Variants in VMO1 observed in about 807,000 individuals in gnomAD.
VMO1 encodes vitelline membrane outer layer 1 homolog.
In VMO1, 13 loss-of-function variants were observed where a neutral mutation model predicts 10.1. That is an observed-to-expected ratio of 1.29 (90% CI 0.84 to 2.05). The LOEUF is 2.05. VMO1 is among the 30% of genes most tolerant of loss of function. The probability of loss-of-function intolerance (pLI) is 0.00; values close to 1 mark genes in which losing one functional copy is unlikely to be tolerated. For missense variants in VMO1, 304 were observed against 276.9 expected (o/e 1.10, Z -0.70); for synonymous variants, 117 against 122.2 (o/e 0.96, Z 0.28).
At position 4,785,934 on chromosome 17, in the gene VMO1, C is replaced by A. The variant is rs562378247; in HGVS notation, c.311+3G>T. ...CAAGGGATCCTCGACCCCTGCGCCC[C>A]ACCTTCCAGACTGGGACTCTACCAC... On this transcript the variant is annotated splice_donor_region_variant and intron_variant, in intron 2 of 2. Coordinates refer to ENST00000328739, the MANE Select transcript of VMO1 (RefSeq NM_182566.3). 27 of 1,614,094 alleles carry A rather than the reference C, an allele frequency of 1.7e-5. No homozygotes were observed. Among genetic ancestry groups the A allele is most frequent in the Non-Finnish European group, 2.2e-5 (26 of 1,180,044 alleles).
chr17:4,785,454 C>A lies in VMO1; in HGVS notation c.517G>T (p.Ala173Ser), dbSNP rs139005779. Residue 173 changes from alanine to serine, a missense_variant, in exon 3 of 3, where the codon GCG becomes TCG. Physicochemically the swap from Ala to Ser is moderately conservative, Grantham distance 99 (BLOSUM62 1). Transcript: ENST00000328739. Reference sequence around the variant, plus strand: ...TGGATCTTGGTCTGCAGGCCGCACGCGCCCTTGGGGCAATGGTCACTCCAG... The same window carrying A: ...TGGATCTTGGTCTGCAGGCCGCACGAGCCCTTGGGGCAATGGTCACTCCAG... ...GDWSDHCPKG[A>S]CGLQTKIQGP... 7 of 1,614,098 alleles carry A rather than the reference C, an allele frequency of 4.3e-6. No individual in the cohort carries two copies. In the South Asian group the frequency reaches 4.4e-5, roughly 10 times the overall value.
In VMO1 at chr17:4,785,925, C is replaced by A. The variant is rs1356416635; in HGVS notation, c.311+12G>T. On this transcript the variant is annotated intron_variant, in intron 2 of 2. Coordinates refer to ENST00000328739, the MANE Select transcript of VMO1 (RefSeq NM_182566.3). Reference sequence around the variant, plus strand: ...CCATCACCCCAAGGGATCCTCGACCCCTGCGCCCCACCTTCCAGACTGGGA... The same window carrying A: ...CCATCACCCCAAGGGATCCTCGACCACTGCGCCCCACCTTCCAGACTGGGA... The A allele has an allele frequency of 6.2e-7, 1 of 1,614,084 alleles. No homozygotes were observed. Among genetic ancestry groups the A allele is most frequent in the Non-Finnish European group, 8.5e-7 (1 of 1,180,038 alleles).
rs1335272107 is a variant in VMO1 at position 4,785,424 on chromosome 17, G to A, written c.547C>T (p.Pro183Ser). 6.2e-7 allele frequency: 1 copy of A among 1,614,072 alleles called. No homozygotes were observed. The highest frequency in any genetic ancestry group is 8.5e-7 in the Non-Finnish European group (1 of 1,180,050). Residue 183 changes from proline to serine, a missense_variant, in exon 3 of 3, where the codon CCT becomes TCT. Physicochemically the swap from Pro to Ser is moderately conservative, Grantham distance 74. Coordinates refer to ENST00000328739, the MANE Select transcript of VMO1 (RefSeq NM_182566.3). ...ACGLQTKIQG[P>S]RGLGDDTALN... ...GCAGTGTCATCGCCGAGGCCTCTAG[G>A]TCCCTGGATCTTGGTCTGCAGGCCG...
Position 4,785,412 on chromosome 17 carries a change from CG to C in VMO1, c.558del (p.Gly187AlafsTer6). 6.2e-7 allele frequency: 1 copy of C among 1,614,142 alleles called. No individual in the cohort carries two copies. Among genetic ancestry groups the C allele is most frequent in the Non-Finnish European group, 8.5e-7 (1 of 1,180,024 alleles). ...GCGTCGTTCAGCGCAGTGTCATCGC[CG>C]AGGCCTCTAGGTCCCTGGATCTTGG... is the stretch of plus-strand genomic sequence containing the variant. ...LQTKIQGPRG[L>X]GDDTALNDAR... On this transcript the variant is annotated frameshift_variant, in exon 3 of 3. Coordinates refer to ENST00000328739, the MANE Select transcript of VMO1 (RefSeq NM_182566.3). LOFTEE classifies it high-confidence loss of function.
chr17:4,786,320 C>A lies in VMO1; in HGVS notation c.33G>T (p.Pro11=). 1.3e-6 allele frequency: 2 copies of A among 1,597,068 alleles called. No individual in the cohort carries two copies. MERGAGAKLL[P]LLLLLRATGF... ...CAGTCGCCCGCAGAAGCAGCAGCAG[C>A]GGCAGCAGCTTGGCTCCTGCGCCCC... The change falls in exon 1 of 3, where the codon CCG becomes CCT. Residue 11 remains proline (P), a synonymous_variant. Transcript: ENST00000328739.
Position 4,786,157 on chromosome 17 carries a change from C to T in VMO1, c.195+1G>A, listed in dbSNP as rs1917484458. The T allele has an allele frequency of 1.2e-6, 2 of 1,603,684 alleles. No homozygotes were observed. Among genetic ancestry groups the T allele is most frequent in the East Asian group, 4.5e-5 (2 of 44,648 alleles). ...TCCAGGACCTACGCCTGAGCCCCAA[C>T]CTTGAGCGAGAACCCGCTGGCGAAG... is the stretch of plus-strand genomic sequence containing the variant. On this transcript the variant is annotated splice_donor_variant, in intron 1 of 2. Coordinates refer to ENST00000328739, the MANE Select transcript of VMO1 (RefSeq NM_182566.3). LOFTEE classifies it high-confidence loss of function.
chr17:4,785,792 A>AG, intron 2 of VMO1, 133 bp from the exon 3 acceptor site: 1 of 1,518,668 alleles, frequency 6.6e-7, no homozygotes, highest in Non-Finnish European at 8.9e-7. Flanking sequence ...GGAGCGGAGG[A>AG]GGGGTCTTCC....
rs116521670 is a variant in VMO1 at position 4,785,600 on chromosome 17, G to A, written c.371C>T (p.Ser124Leu). 2,777 of 1,613,452 alleles carry A rather than the reference G, an allele frequency of 1.7e-3. 43 individuals are homozygous for A. In the African/African-American group the frequency reaches 0.026, roughly 15 times the overall value. The change falls in exon 3 of 3, where the codon TCG (serine) becomes TTG (leucine). Residue 124 changes from serine (S) to leucine (L), a missense_variant. Coordinates refer to ENST00000328739, the MANE Select transcript of VMO1 (RefSeq NM_182566.3). Reference protein sequence around the residue: ...CRGGAYLVAFSLRVEAPTTLG... With the variant: ...CRGGAYLVAFLLRVEAPTTLG... ...GGTCGTGGGTGCCTCCACGCGAAGC[G>A]AGAAAGCCACTAGGTAGGCGCCGCC...
At position 4,785,344 on chromosome 17, in the gene VMO1, C is replaced by A. The variant is rs754407188; in HGVS notation, c.*18G>T. On this transcript the variant is annotated 3_prime_UTR_variant, in exon 3 of 3. Transcript: ENST00000328739. ...ACTAGCCTCCTGGCCCGGGAGAGAGCGGCGGCGGCGGCGCCGTTCAACTGC... is the reference window on the plus strand; with the variant it reads ...ACTAGCCTCCTGGCCCGGGAGAGAGAGGCGGCGGCGGCGCCGTTCAACTGC... 2 of 1,580,144 alleles carry A rather than the reference C, an allele frequency of 1.3e-6. No individual in the cohort carries two copies. The highest frequency in any genetic ancestry group is 1.7e-6 in the Non-Finnish European group (2 of 1,162,432).
chr17:4,786,035 GC>G lies in VMO1; in HGVS notation c.212del (p.Gly71AlafsTer9), dbSNP rs1917478652. On this transcript the variant is annotated frameshift_variant, in exon 2 of 3. Coordinates refer to ENST00000328739, the MANE Select transcript of VMO1 (RefSeq NM_182566.3). LOFTEE classifies it high-confidence loss of function. ...GFSLKVEPPQGIPGDDTALNG... is the reference protein window; with the variant it reads ...GFSLKVEPPQXIPGDDTALNG... ...TCAGTGCAGTGTCGTCGCCAGGAAT[GC>G]CTTGGGGAGGCTCCACCTGGGTATC... 4 of 1,614,236 alleles carry G rather than the reference GC, an allele frequency of 2.5e-6. No homozygotes were observed. The Admixed American group carries it at 5.0e-5, about 20-fold the overall frequency.
Position 4,785,344 on chromosome 17 carries a change from C to T in VMO1, c.*18G>A, listed in dbSNP as rs754407188. 2.5e-6 allele frequency: 4 copies of T among 1,580,022 alleles called. No homozygotes were observed. The highest frequency in any genetic ancestry group is 2.7e-5 in the African/African-American group (2 of 74,066). On this transcript the variant is annotated 3_prime_UTR_variant, in exon 3 of 3. Transcript: ENST00000328739. ...ACTAGCCTCCTGGCCCGGGAGAGAG[C>T]GGCGGCGGCGGCGCCGTTCAACTGC...
At chr17:4,786,076 G>A (rs773505549) in intron 1 of VMO1, 24 bp from the exon 2 acceptor site, 2 of 1,614,058 alleles carry the variant, frequency 1.2e-6, no homozygotes, top group Admixed American at 1.7e-5. Flanking sequence ...AGAGGGGCAA[G>A]GGCGAGTCAC....
Position 4,785,626 on chromosome 17 carries a change from G to T in VMO1, c.345C>A (p.Arg115=). 6.2e-7 allele frequency: 1 copy of T among 1,612,122 alleles called. No individual in the cohort carries two copies. Among genetic ancestry groups the T allele is most frequent in the South Asian group, 1.1e-5 (1 of 91,070 alleles). ...WGEWSEPLWC[R]GGAYLVAFSL... Reference sequence around the variant, plus strand: ...AGAAAGCCACTAGGTAGGCGCCGCCGCGACACCACAGCGGCTCACTCCATT... The same window carrying T: ...AGAAAGCCACTAGGTAGGCGCCGCCTCGACACCACAGCGGCTCACTCCATT... The change falls in exon 3 of 3, where the codon CGC becomes CGA. Residue 115 remains arginine (R), a synonymous_variant. Coordinates refer to ENST00000328739, the MANE Select transcript of VMO1 (RefSeq NM_182566.3).
rs749890204 is a variant in VMO1, at chr17:4,786,192, G to C, written c.161C>G (p.Pro54Arg). The C allele has an allele frequency of 6.8e-6, 11 of 1,606,734 alleles. No individual in the cohort carries two copies. The highest frequency in any genetic ancestry group is 1.1e-5 in the South Asian group (1 of 90,244). ...GAACCCGCTGGCGAAGAATCCATCG[G>C]GACACATCTCAGGCCAGGCCCAGTC... ...WGDWAWPEMCPDGFFASGFSL... is the reference protein window; with the variant it reads ...WGDWAWPEMCRDGFFASGFSL... Residue 54 changes from proline (P) to arginine (R), a missense_variant, in exon 1 of 3, where the codon CCC (proline) becomes CGC (arginine). By Grantham distance (103) the Pro-to-Arg change is moderately radical. Coordinates refer to ENST00000328739, the MANE Select transcript of VMO1 (RefSeq NM_182566.3).
intron 2 of VMO1, 98 bp from the exon 3 acceptor site, chr17:4,785,757 C>A: frequency 1.3e-6 from 2 of 1,510,920 alleles, no homozygotes. Context: ...ACCTGGTGGG[C>A]TGGGTGCTCC....
chr17:4,785,883 A>G, intron 2 of VMO1, 54 bp downstream of exon 2: 1 of 1,600,394 alleles, frequency 6.2e-7, no homozygotes, highest in East Asian at 2.3e-5. Flanking sequence ...AGTATGTAAT[A>G]GAGGGTAAGG....
chr17:4,785,752 G>A, intron 2 of VMO1, 93 bp from the exon 3 acceptor site: 2 of 1,512,066 alleles, frequency 1.3e-6, no homozygotes, highest in Admixed American at 2.1e-5. Context: ...ATATGACCTG[G>A]TGGGCTGGGT....
rs772068461 is a variant in VMO1, at chr17:4,785,355, G to A, written c.*7C>T. 1.9e-6 allele frequency: 3 copies of A among 1,596,358 alleles called. No individual in the cohort carries two copies. Among genetic ancestry groups the A allele is most frequent in the Non-Finnish European group, 1.7e-6 (2 of 1,169,980 alleles). The stretch of plus-strand genomic sequence containing the variant: ...GGCCCGGGAGAGAGCGGCGGCGGCG[G>A]CGCCGTTCAACTGCGGCAGCAGAAT... On this transcript the variant is annotated 3_prime_UTR_variant, in exon 3 of 3. Coordinates refer to ENST00000328739, the MANE Select transcript of VMO1 (RefSeq NM_182566.3).
intron 1 of VMO1, 27 bp from the exon 2 acceptor site, chr17:4,786,079 C>T: frequency 6.2e-7 from 1 of 1,613,966 alleles, no homozygotes; most frequent in Non-Finnish European, 8.5e-7. Context: ...GGGGCAAGGG[C>T]GAGTCACGGA....
Sources: allele counts gnomAD v4.1 joint callset, GRCh38; gene constraint gnomAD v4.1.1; transcripts MANE v1.5; gene names NCBI Gene and HGNC (gene_info 2026-07-23, HGNC 2026-07-21).